PRIM2: variants seen among roughly 807,000 people sequenced by gnomAD.
PRIM2 encodes DNA primase large subunit.
PRIM2 carries 39 observed loss-of-function variants against 67.3 expected under a neutral mutation model. The observed-to-expected ratio is 0.58, with a 90% CI of 0.45 to 0.76. The LOEUF (loss-of-function observed/expected upper bound fraction) is 0.76. PRIM2 is among the 30% of genes least tolerant of loss of function. PRIM2 has a pLI of 0.00. For synonymous variants in PRIM2, 143 were observed against 198.7 expected (o/e 0.72, Z 2.36); for missense variants, 398 against 598.7 (o/e 0.66, Z 3.50).
intron 12 of PRIM2, among the ~76,000 whole-genome samples, chr6:57,630,173 A>G (rs1777018234): frequency 6.6e-6 from 1 of 151,344 alleles, no homozygotes; most frequent in African/African-American, 2.4e-5. Flanking sequence ...AGAAACCTTC[A>G]TCTATCTCAA....
At chr6:57,449,702 T>C (rs1581915218) in intron 7 of PRIM2, among the ~76,000 whole-genome samples, 1 of 152,222 alleles carries the variant, frequency 6.6e-6, no homozygotes, top group Non-Finnish European at 1.5e-5. Flanking sequence ...AGGAGTACTA[T>C]AGATTAAATG....
At chr6:57,549,410 C>T (rs1775356800) in intron 10 of PRIM2, among the ~76,000 whole-genome samples, 1 of 152,086 alleles carries the variant, frequency 6.6e-6, no homozygotes, top group African/African-American at 2.4e-5. Context: ...TCCCCCAGTA[C>T]TCGCAGAAGG....
At chr6:57,250,785 T>C in the PRIM2 span, among the ~76,000 whole-genome samples, 2 of 152,128 alleles carry the variant, frequency 1.3e-5, no homozygotes, top group Admixed American at 6.5e-5. Flanking sequence ...TCTTTCCCGT[T>C]TTCACTCATC....
At chr6:57,259,511 A>AT in the PRIM2 span, among the ~76,000 whole-genome samples, 80 of 151,580 alleles carry the variant, frequency 5.3e-4, 1 homozygote, top group South Asian at 0.015. Flanking sequence ...GACATACCTC[A>AT]TTTTTTTTTA....
the PRIM2 span, among the ~76,000 whole-genome samples, chr6:57,280,526 T>C: frequency 1.3e-5 from 2 of 152,196 alleles, no homozygotes; most frequent in African/African-American, 2.4e-5. Context: ...TTGTTTTTTT[T>C]TGAGATGGAG....
chr6:57,556,581 A>G (rs1775517855), intron 10 of PRIM2, among the ~76,000 whole-genome samples: 2 of 152,348 alleles, frequency 1.3e-5, no homozygotes, highest in Admixed American at 6.5e-5. Flanking sequence ...CTGACTAGCC[A>G]TATGTAGAAG....
At chr6:57,390,349 AGATG>A (rs1278281532) in intron 7 of PRIM2, 1 of 152,650 alleles carries the variant, frequency 6.6e-6, no homozygotes, top group African/African-American at 2.4e-5. Context: ...CCTTTTTCTA[AGATG>A]CAGTTTACAA....
chr6:57,352,531 G>A (rs1304971525), intron 5 of PRIM2, among the ~76,000 whole-genome samples: 2 of 152,120 alleles, frequency 1.3e-5, no homozygotes, highest in Non-Finnish European at 2.9e-5. Context: ...GAGCCACCAC[G>A]CCCGGCCTAT....
chr6:57,518,881 G>C (rs1313268750), intron 8 of PRIM2, among the ~76,000 whole-genome samples: 2 of 152,134 alleles, frequency 1.3e-5, no homozygotes, highest in African/African-American at 4.8e-5. Flanking sequence ...TCTTACCAAT[G>C]ACTTATTATC....
chr6:57,453,344 G>A (rs570122411), intron 7 of PRIM2, among the ~76,000 whole-genome samples: 1 of 152,074 alleles, frequency 6.6e-6, no homozygotes, highest in Non-Finnish European at 1.5e-5. Context: ...TAGCTTGATG[G>A]GGATGGCATT....
chr6:57,633,388 A>C (rs1237983676), intron 13 of PRIM2, among the ~76,000 whole-genome samples: 21 of 152,332 alleles, frequency 1.4e-4, no homozygotes, highest in Admixed American at 1.2e-3. Context: ...AGGAAGTTGC[A>C]TTTGTTGAAA....
intron 7 of PRIM2, among the ~76,000 whole-genome samples, chr6:57,427,385 C>A (rs1771668113): frequency 6.6e-6 from 1 of 152,176 alleles, no homozygotes; most frequent in African/African-American, 2.4e-5. Flanking sequence ...GTGGCCCGAT[C>A]TCAGCTCACT....
At chr6:57,452,051 C>A (rs1352583028) in intron 7 of PRIM2, among the ~76,000 whole-genome samples, 1 of 151,562 alleles carries the variant, frequency 6.6e-6, no homozygotes, top group Non-Finnish European at 1.5e-5. Flanking sequence ...TTTGTCCTTG[C>A]AATAGTTTGC....
chr6:57,259,239 C>T, the PRIM2 span, among the ~76,000 whole-genome samples: 423 of 152,262 alleles, frequency 2.8e-3, 1 homozygote, highest in African/African-American at 9.8e-3. Context: ...AACCGCATCA[C>T]ACAAAACCAG....
intron 7 of PRIM2, among the ~76,000 whole-genome samples, chr6:57,406,784 A>G (rs1770905288): frequency 6.6e-6 from 1 of 152,288 alleles, no homozygotes; most frequent in Non-Finnish European, 1.5e-5. Flanking sequence ...TATATTTTTC[A>G]TGCCTACATT....
the PRIM2 span, among the ~76,000 whole-genome samples, chr6:57,263,628 A>G: frequency 0.17 from 25,180 of 152,138 alleles, 3,758 homozygotes; most frequent in African/African-American, 0.39. Flanking sequence ...ACATTCTGGG[A>G]TCCTGAGAGT....
At chr6:57,345,474 A>ATATATGTGTGTGTGTG (rs1554327210) in intron 5 of PRIM2, among the ~76,000 whole-genome samples, 1 of 124,596 alleles carries the variant, frequency 8.0e-6, no homozygotes, top group Non-Finnish European at 1.7e-5. Context: ...ATATATATAT[A>ATATATGTGTGTGTGTG]TGTGTGTGTG....
chr6:57,313,366 A>AT (rs982146916), upstream of PRIM2, among the ~76,000 whole-genome samples: 1 of 152,116 alleles, frequency 6.6e-6, no homozygotes, highest in African/African-American at 2.4e-5. Context: ...TAAGAGCAGG[A>AT]TTTTTTGGCT....
chr6:57,293,878 A>G, the PRIM2 span, among the ~76,000 whole-genome samples: 1 of 152,078 alleles, frequency 6.6e-6, no homozygotes, highest in Admixed American at 6.6e-5. Context: ...TGACAAGCTG[A>G]TGGGTGCAGC....
Sources: allele counts gnomAD v4.1 joint callset (sites outside exome capture counted in the v4.1 genomes callset), GRCh38; gene constraint gnomAD v4.1.1; transcripts MANE v1.5; gene names NCBI Gene and HGNC (gene_info 2026-07-23, HGNC 2026-07-21).